UBE2E2: variants seen among roughly 807,000 people sequenced by gnomAD.
UBE2E2 encodes the protein ubiquitin-conjugating enzyme E2 E2.
A neutral mutation model predicts 24.7 loss-of-function variants in UBE2E2; 6 were observed. The ratio of observed to expected loss-of-function variants is 0.24; its 90% CI spans 0.13 to 0.48. The LOEUF (loss-of-function observed/expected upper bound fraction) is 0.48, where lower values mean the gene tolerates loss of function less well. UBE2E2 is among the 20% of genes least tolerant of loss of function. The pLI is 0.99. For synonymous variants in UBE2E2, 104 were observed against 83.6 expected (o/e 1.24, Z -1.33); for missense variants, 169 against 245.0 (o/e 0.69, Z 2.07).
chr3:23,490,672 G>A (rs867256278), intron 3 of UBE2E2, among the ~76,000 whole-genome samples: 7 of 152,296 alleles, frequency 4.6e-5, no homozygotes, highest in Middle Eastern at 3.4e-3. Context: ...TAGAAGGCTC[G>A]TTTACTCTCT....
intron 3 of UBE2E2, among the ~76,000 whole-genome samples, chr3:23,423,959 A>G (rs1697863092): frequency 6.6e-6 from 1 of 152,072 alleles, no homozygotes; most frequent in Non-Finnish European, 1.5e-5. Context: ...TATTTTGCCT[A>G]GTTTAGTTAC....
At chr3:23,437,878 G>T (rs982298372) in intron 3 of UBE2E2, among the ~76,000 whole-genome samples, 3 of 152,178 alleles carry the variant, frequency 2.0e-5, no homozygotes, top group African/African-American at 4.8e-5. Context: ...ATTAACATGA[G>T]AAAAACACAG....
chr3:23,482,003 C>T (rs1015948267), intron 3 of UBE2E2, among the ~76,000 whole-genome samples: 3 of 152,194 alleles, frequency 2.0e-5, no homozygotes, highest in Non-Finnish European at 2.9e-5. Flanking sequence ...ATCACCAACT[C>T]GAGTGCTAGA....
intron 3 of UBE2E2, among the ~76,000 whole-genome samples, chr3:23,218,113 T>C (rs1420369712): frequency 6.6e-6 from 1 of 152,128 alleles, no homozygotes; most frequent in African/African-American, 2.4e-5. Flanking sequence ...AGAGGGCCGA[T>C]TAAATAAAAA....
chr3:23,448,748 A>C (rs1344906083), intron 3 of UBE2E2, among the ~76,000 whole-genome samples: 1 of 152,152 alleles, frequency 6.6e-6, no homozygotes, highest in Admixed American at 6.5e-5. Context: ...AGAAAAGTGC[A>C]GTTTGTAGTA....
At chr3:23,439,879 A>G (rs1198168854) in intron 3 of UBE2E2, among the ~76,000 whole-genome samples, 1 of 152,156 alleles carries the variant, frequency 6.6e-6, no homozygotes, top group African/African-American at 2.4e-5. Flanking sequence ...TTGAGGAACA[A>G]GAAACCTACC....
intron 3 of UBE2E2, among the ~76,000 whole-genome samples, chr3:23,365,267 C>G (rs61342179): frequency 6.6e-6 from 1 of 152,004 alleles, no homozygotes; most frequent in South Asian, 2.1e-4. Context: ...ACTAGAAGTC[C>G]GAGCCAGAGC....
In UBE2E2 at chr3:23,410,297, C is replaced by T. The variant is rs190685765; in HGVS notation, c.228-89311C>T. On this transcript the variant is annotated intron_variant, in intron 3 of 5. Coordinates refer to ENST00000396703, the MANE Select transcript of UBE2E2 (RefSeq NM_152653.4). ...TTTTATTTGCTTAGTTTCTCTTCCT[C>T]TGCAGCATTTAAACAACAGTTTTAA... Among the ~76,000 whole-genome samples, 3 of 152,298 alleles carry T rather than the reference C, an allele frequency of 2.0e-5. No individual in the cohort carries two copies. The East Asian group carries it at 5.8e-4, about 29-fold the overall frequency.
At chr3:23,239,770 C>T (rs1302199633) in intron 3 of UBE2E2, among the ~76,000 whole-genome samples, 3 of 152,110 alleles carry the variant, frequency 2.0e-5, no homozygotes, top group Non-Finnish European at 4.4e-5. Flanking sequence ...AGAAGAGGTT[C>T]TAAAAGATAT....
chr3:23,203,848 C>G (rs35559434), intron 1 of UBE2E2, among the ~76,000 whole-genome samples: 11 of 151,842 alleles, frequency 7.2e-5, no homozygotes, highest in Non-Finnish European at 1.0e-4. Context: ...GGAAAGTGCC[C>G]GGCTTGATCT....
chr3:23,485,979 G>C (rs1477555653), intron 3 of UBE2E2, among the ~76,000 whole-genome samples: 1 of 152,202 alleles, frequency 6.6e-6, no homozygotes, highest in Non-Finnish European at 1.5e-5. Context: ...GGATCCTTCA[G>C]GTGTCGCTTC....
chr3:23,439,936 T>C (rs986617466), intron 3 of UBE2E2, among the ~76,000 whole-genome samples: 2 of 151,836 alleles, frequency 1.3e-5, no homozygotes, highest in African/African-American at 2.4e-5. Flanking sequence ...GCTATACTTA[T>C]TCATTGTAGA....
chr3:23,323,712 C>CT lies in UBE2E2; in HGVS notation c.227+106407dup, dbSNP rs1326152437. 6 of 226,600 alleles carry CT rather than the reference C, an allele frequency of 2.6e-5. No individual in the cohort carries two copies. The Admixed American group carries it at 3.0e-4, about 11-fold the overall frequency. 14.0% of individuals were successfully genotyped at this position (226,600 alleles called of 1,614,324 possible). A position where few individuals can be genotyped will look rare whatever the true frequency, so the allele number is the denominator to read the frequency against. ...TAAACTTCTCTGAATGCCAGGATTC[C>CT]TTTTTTTCCCTTTTAGCAAACTCCT... On this transcript the variant is annotated intron_variant, in intron 3 of 5. Coordinates refer to ENST00000396703, the MANE Select transcript of UBE2E2 (RefSeq NM_152653.4).
At chr3:23,399,037 G>A (rs75901656) in intron 3 of UBE2E2, among the ~76,000 whole-genome samples, 6,955 of 152,084 alleles carry the variant, frequency 0.046, 491 homozygotes, top group African/African-American at 0.15. Flanking sequence ...CATTGCTGTC[G>A]GTTGAAACAC....
At chr3:23,543,308 A>T (rs1487951125) in intron 5 of UBE2E2, among the ~76,000 whole-genome samples, 1 of 151,966 alleles carries the variant, frequency 6.6e-6, no homozygotes, top group Non-Finnish European at 1.5e-5. Flanking sequence ...TACCTAGAAA[A>T]CCCTAAAGAC....
chr3:23,444,599 G>C (rs1213653212), intron 3 of UBE2E2, among the ~76,000 whole-genome samples: 1 of 152,188 alleles, frequency 6.6e-6, no homozygotes, highest in Non-Finnish European at 1.5e-5. Context: ...ACAGCACCCT[G>C]TAATGGCCAT....
At chr3:23,447,999 T>C (rs1284666853) in intron 3 of UBE2E2, among the ~76,000 whole-genome samples, 1 of 152,196 alleles carries the variant, frequency 6.6e-6, no homozygotes, top group East Asian at 1.9e-4. Flanking sequence ...TTTGACAGTA[T>C]AGCAAAGTAA....
intron 3 of UBE2E2, among the ~76,000 whole-genome samples, chr3:23,403,937 T>C (rs1697291732): frequency 6.6e-6 from 1 of 152,194 alleles, no homozygotes. Flanking sequence ...AGGTGGACCA[T>C]TGCAGCATCT....
At chr3:23,323,474 T>G (rs895960146) in intron 3 of UBE2E2, 6 of 426,160 alleles carry the variant, frequency 1.4e-5, no homozygotes, top group Non-Finnish European at 2.3e-5. Flanking sequence ...GCATCCCAAA[T>G]TCGAAAATTC....
Sources: gnomAD v4.1 joint callset for allele counts (sites outside exome capture counted in the v4.1 genomes callset) on GRCh38, gnomAD v4.1.1 for gene constraint, MANE v1.5 for transcripts, NCBI Gene and HGNC (gene_info 2026-07-23, HGNC 2026-07-21) for gene names.